The following KLHL22 variants were observed in gnomAD, a reference collection of about 807,000 sequenced individuals.
The protein encoded by KLHL22 is kelch-like protein 22.
KLHL22 carries 18 observed loss-of-function variants against 60.7 expected under a neutral mutation model. The observed-to-expected ratio is 0.30, with a 90% CI of 0.20 to 0.44. KLHL22 has a LOEUF of 0.44. Among genes scored for constraint, KLHL22 ranks in the 20% least tolerant of loss-of-function variants. KLHL22 has a pLI of 1.00. For synonymous variants in KLHL22, 355 were observed against 354.5 expected (o/e 1.00, Z -0.01); for missense variants, 596 against 852.3 (o/e 0.70, Z 3.74).
intron 2 of KLHL22, 124 bp from the exon 3 acceptor site, chr22:20,471,639 C>G (rs1382843969): frequency 3.2e-6 from 3 of 949,808 alleles, no homozygotes; most frequent in African/African-American, 3.3e-5. Flanking sequence ...GTGGGCTGAC[C>G]CACTCTGTGC....
chr22:20,484,723 T>G (rs1385580667), intron 2 of KLHL22, among the ~76,000 whole-genome samples: 1 of 148,290 alleles, frequency 6.7e-6, no homozygotes, highest in Non-Finnish European at 1.5e-5. Flanking sequence ...TGAGCCACTG[T>G]GCTCAGCCTT....
chr22:20,456,944 A>G (rs5749316), intron 5 of KLHL22, among the ~76,000 whole-genome samples: 135,135 of 152,216 alleles, frequency 0.89, 60,186 homozygotes, highest in African/African-American at 0.95. Context: ...TCTGCCTCTC[A>G]GGTGCTCGGT....
intron 5 of KLHL22, among the ~76,000 whole-genome samples, chr22:20,449,073 T>C (rs371985575): frequency 2.6e-5 from 4 of 152,068 alleles, no homozygotes; most frequent in Non-Finnish European, 5.9e-5. Flanking sequence ...TTGTTTGTTT[T>C]TTTTTGAGAC....
At chr22:20,469,143 G>A (rs936826509) in intron 3 of KLHL22, among the ~76,000 whole-genome samples, 5 of 152,172 alleles carry the variant, frequency 3.3e-5, no homozygotes, top group Admixed American at 1.3e-4. Flanking sequence ...TTCAGTGTGT[G>A]TGATCACTGC....
chr22:20,455,838 C>G (rs2053055083), intron 5 of KLHL22, among the ~76,000 whole-genome samples: 1 of 152,194 alleles, frequency 6.6e-6, no homozygotes, highest in Admixed American at 6.5e-5. Context: ...ACCACCCAAA[C>G]AAAACATGCT....
chr22:20,452,014 G>C (rs1051692208), intron 5 of KLHL22, among the ~76,000 whole-genome samples: 1 of 151,906 alleles, frequency 6.6e-6, no homozygotes, highest in Non-Finnish European at 1.5e-5. Context: ...GAGAAGGGTG[G>C]GTAACAGATA....
intron 3 of KLHL22, among the ~76,000 whole-genome samples, chr22:20,467,624 T>C (rs1448488144): frequency 6.6e-6 from 1 of 152,256 alleles, no homozygotes; most frequent in Non-Finnish European, 1.5e-5. Flanking sequence ...AAATTAACCA[T>C]TACACATGGA....
At chr22:20,455,455 G>A (rs1569126586) in intron 5 of KLHL22, among the ~76,000 whole-genome samples, 1 of 152,190 alleles carries the variant, frequency 6.6e-6, no homozygotes, top group Non-Finnish European at 1.5e-5. Flanking sequence ...TCCTGCCCTG[G>A]AAGGTCCTTC....
At chr22:20,453,867 T>C (rs1302826065) in intron 5 of KLHL22, among the ~76,000 whole-genome samples, 1 of 152,028 alleles carries the variant, frequency 6.6e-6, no homozygotes, top group Non-Finnish European at 1.5e-5. Flanking sequence ...CCCCAGTAGC[T>C]GGGATTACAG....
At chr22:20,484,294 T>C (rs1284665338) in intron 2 of KLHL22, among the ~76,000 whole-genome samples, 2 of 151,858 alleles carry the variant, frequency 1.3e-5, no homozygotes, top group Non-Finnish European at 2.9e-5. Context: ...TGCCCAGCTT[T>C]GTTTGTTTTT....
chr22:20,490,765 A>G (rs886258924), intron 1 of KLHL22, among the ~76,000 whole-genome samples: 1 of 152,166 alleles, frequency 6.6e-6, no homozygotes, highest in Non-Finnish European at 1.5e-5. Context: ...TTGTGCTCCT[A>G]TGAGAATCTG....
At chr22:20,491,237 C>G (rs1405876818) in intron 1 of KLHL22, 2 of 152,196 alleles carry the variant, frequency 1.3e-5, no homozygotes, top group Non-Finnish European at 1.5e-5. Flanking sequence ...TTCAACTATC[C>G]AGAAGTTTTC....
At chr22:20,473,512 G>A (rs1045933129) in intron 2 of KLHL22, among the ~76,000 whole-genome samples, 2 of 152,176 alleles carry the variant, frequency 1.3e-5, no homozygotes, top group African/African-American at 4.8e-5. Flanking sequence ...GATTATAAGA[G>A]AAGCTATTTT....
intron 2 of KLHL22, among the ~76,000 whole-genome samples, chr22:20,485,972 G>T (rs540616877): frequency 2.6e-5 from 4 of 151,924 alleles, no homozygotes; most frequent in African/African-American, 4.8e-5. Context: ...TTCGAGATCA[G>T]CCTGGCCAAC....
intron 4 of KLHL22, among the ~76,000 whole-genome samples, chr22:20,460,750 A>G (rs993177861): frequency 7.1e-4 from 108 of 151,532 alleles, no homozygotes; most frequent in African/African-American, 2.5e-3. Flanking sequence ...TTCTTTATTG[A>G]ATTAATTTTC....
At chr22:20,478,244 T>C (rs1005281477) in intron 2 of KLHL22, among the ~76,000 whole-genome samples, 3 of 151,752 alleles carry the variant, frequency 2.0e-5, no homozygotes, top group African/African-American at 4.8e-5. Flanking sequence ...TCACTCTTGT[T>C]GCCCAGGCTG....
rs1555912467 is a variant in KLHL22 at position 20,470,786 on chromosome 22, A to AGATAGATG, written c.393+563_393+564insCATCTATC. Among the ~76,000 whole-genome samples the AGATAGATG allele has an allele frequency of 5.0e-3, 693 of 137,754 alleles. 5 individuals carry two copies. The highest frequency in any genetic ancestry group is 0.014 in the African/African-American group (524 of 36,288). The allele number at this position is 137,754 out of a possible 152,430, so 90.4% of individuals were successfully genotyped here. A position where few individuals can be genotyped will look rare whatever the true frequency, so the allele number is the denominator to read the frequency against. On this transcript the variant is annotated intron_variant, in intron 3 of 6. Transcript: ENST00000328879. ...TGGATGCATGCATGGATGGATGGAT[A>AGATAGATG]GATGGATGGATGGATGGATGGATGG... is the stretch of plus-strand genomic sequence containing the variant.
At chr22:20,449,924 G>A (rs993455452) in intron 5 of KLHL22, among the ~76,000 whole-genome samples, 20 of 152,212 alleles carry the variant, frequency 1.3e-4, no homozygotes, top group African/African-American at 4.6e-4. Flanking sequence ...GTGGCCGCAG[G>A]GAGCAGACCC....
At chr22:20,443,474 C>G (rs1397897911) in intron 6 of KLHL22, among the ~76,000 whole-genome samples, 3 of 152,218 alleles carry the variant, frequency 2.0e-5, no homozygotes, top group Non-Finnish European at 2.9e-5. Context: ...GGCGTGGTGG[C>G]TCACGCCTGT....
Sources: allele counts gnomAD v4.1 joint callset (sites outside exome capture counted in the v4.1 genomes callset), GRCh38; gene constraint gnomAD v4.1.1; transcripts MANE v1.5; gene names NCBI Gene and HGNC (gene_info 2026-07-23, HGNC 2026-07-21).